The following VPS13A variants were observed in gnomAD, a reference collection of about 807,000 sequenced individuals.
VPS13A encodes intermembrane lipid transfer protein VPS13A.
A neutral mutation model predicts 390.9 loss-of-function variants in VPS13A; 264 were observed. That is an observed-to-expected ratio of 0.68 (90% confidence interval 0.61 to 0.75). The LOEUF (loss-of-function observed/expected upper bound fraction) is 0.75. VPS13A is among the 30% of genes least tolerant of loss of function. The pLI, the probability that VPS13A is intolerant of heterozygous loss-of-function variation, is 0.00. For missense variants in VPS13A, 3,409 were observed against 3,733.9 expected (o/e 0.91, Z 2.27); for synonymous variants, 1,231 against 1,227.1 (o/e 1.00, Z -0.07).
At position 77,420,423 on chromosome 9, in the gene VPS13A, AT is replaced by A. The variant is rs1835308647; in HGVS notation, c.*4423del. 1 of 151,972 alleles carries A rather than the reference AT, an allele frequency of 6.6e-6. No individual in the cohort carries two copies. The highest frequency in any genetic ancestry group is 1.5e-5 in the Non-Finnish European group (1 of 67,994). The allele number at this position is 151,972 out of a possible 1,614,324, so 9.4% of individuals were successfully genotyped here. A position where few individuals can be genotyped will look rare whatever the true frequency, so the allele number is the denominator to read the frequency against. On this transcript the variant is annotated 3_prime_UTR_variant, in exon 72 of 72. Transcript: ENST00000360280. ...TAAATTTTTCCATGTCATTTAAAAA[AT>A]TTTTTACTTTAGAATTACAGATTAG...
At chr9:77,271,369 A>G (rs138414155) in intron 23 of VPS13A, among the ~76,000 whole-genome samples, 9 of 152,340 alleles carry the variant, frequency 5.9e-5, no homozygotes, top group African/African-American at 1.2e-4. Flanking sequence ...ACTTGAAAAT[A>G]GCATAACCCT....
At chr9:77,415,833 A>G (rs960524260) in intron 71 of VPS13A, 123 bp from the exon 72 acceptor site, 11 of 1,086,148 alleles carry the variant, frequency 1.0e-5, no homozygotes, top group African/African-American at 1.6e-5. Context: ...AATTTTATGT[A>G]TTGGCTGTCA....
chr9:77,291,560 CT>C (rs981284495), intron 31 of VPS13A, among the ~76,000 whole-genome samples: 1 of 152,006 alleles, frequency 6.6e-6, no homozygotes, highest in African/African-American at 2.4e-5. Context: ...TTAGTTGTAC[CT>C]TGTGCTTAGG....
chr9:77,347,707 T>G (rs1046825843), intron 52 of VPS13A, among the ~76,000 whole-genome samples: 1 of 152,190 alleles, frequency 6.6e-6, no homozygotes, highest in African/African-American at 2.4e-5. Context: ...TCTCCCATTT[T>G]CCACTAGAAT....
intron 1 of VPS13A, among the ~76,000 whole-genome samples, chr9:77,189,251 A>C (rs1241073096): frequency 6.6e-6 from 1 of 150,430 alleles, no homozygotes; most frequent in Non-Finnish European, 1.5e-5. Flanking sequence ...TAGGTTTTAC[A>C]TTTAAGTCTT....
At chr9:77,368,681 TTA>T (rs1410737835) in intron 62 of VPS13A, among the ~76,000 whole-genome samples, 3 of 152,220 alleles carry the variant, frequency 2.0e-5, no homozygotes, top group Non-Finnish European at 4.4e-5. Flanking sequence ...ATCATCTGAC[TTA>T]TATGTTTCTC....
At chr9:77,216,816 T>C (rs1822891418) in intron 10 of VPS13A, among the ~76,000 whole-genome samples, 1 of 152,108 alleles carries the variant, frequency 6.6e-6, no homozygotes, top group Admixed American at 6.5e-5. Flanking sequence ...AGCTGAAGAA[T>C]TTGGAGTTTG....
Position 77,210,599 on chromosome 9 carries a change from CT to C in VPS13A, c.496-14del. 1 of 1,612,600 alleles carries C rather than the reference CT, an allele frequency of 6.2e-7. No homozygotes were observed. The highest frequency in any genetic ancestry group is 8.5e-7 in the Non-Finnish European group (1 of 1,179,260). ...CTACTAAAAATCTGAATAAATTTTACTTTCTTTCCTCTTTAGATCACAAATC... is the reference window on the plus strand; with the variant it reads ...CTACTAAAAATCTGAATAAATTTTACTTCTTTCCTCTTTAGATCACAAATC... On this transcript the variant is annotated splice_polypyrimidine_tract_variant and intron_variant, in intron 6 of 71. Coordinates refer to ENST00000360280, the MANE Select transcript of VPS13A (RefSeq NM_033305.3).
intron 1 of VPS13A, among the ~76,000 whole-genome samples, chr9:77,190,259 G>GTATATTC (rs1378016838): frequency 2.0e-5 from 3 of 152,066 alleles, no homozygotes; most frequent in Non-Finnish European, 4.4e-5. Flanking sequence ...TTATTTCCAG[G>GTATATTC]TATATTCCTT....
intron 22 of VPS13A, among the ~76,000 whole-genome samples, chr9:77,259,872 A>G (rs955218940): frequency 6.6e-6 from 1 of 152,214 alleles, no homozygotes; most frequent in African/African-American, 2.4e-5. Context: ...CAGTAGAAGG[A>G]CATTACATGA....
intron 68 of VPS13A, among the ~76,000 whole-genome samples, chr9:77,402,872 G>A (rs2131647002): frequency 6.6e-6 from 1 of 152,264 alleles, no homozygotes; most frequent in Middle Eastern, 3.4e-3. Context: ...GTTTAGATTT[G>A]TGTTAGTATT....
intron 3 of VPS13A, among the ~76,000 whole-genome samples, chr9:77,202,892 T>C (rs1173978284): frequency 1.3e-5 from 2 of 152,190 alleles, no homozygotes; most frequent in Non-Finnish European, 2.9e-5. Context: ...AAAATATCAC[T>C]GTTTTTTCCC....
intron 33 of VPS13A, among the ~76,000 whole-genome samples, chr9:77,300,342 T>G: frequency 6.6e-6 from 1 of 152,250 alleles, no homozygotes; most frequent in East Asian, 1.9e-4. Flanking sequence ...TTCTTTGGGA[T>G]AATTCATTTC....
intron 68 of VPS13A, among the ~76,000 whole-genome samples, chr9:77,399,194 A>AT (rs1834263437): frequency 3.9e-5 from 5 of 127,774 alleles, no homozygotes; most frequent in Non-Finnish European, 6.3e-5. Flanking sequence ...AAAAAAAAAA[A>AT]AAAAAAAAAA....
At chr9:77,341,057 AAGTT>A (rs1369449764) in intron 50 of VPS13A, among the ~76,000 whole-genome samples, 1 of 152,198 alleles carries the variant, frequency 6.6e-6, no homozygotes, top group East Asian at 1.9e-4. Context: ...TTTATTCTAA[AAGTT>A]AGGATTAGAG....
chr9:77,283,241 C>T (rs375866886), intron 29 of VPS13A, 114 bp from the exon 30 acceptor site: 1 of 654,824 alleles, frequency 1.5e-6, no homozygotes, highest in Middle Eastern at 4.3e-4. Flanking sequence ...AATTGCAGAT[C>T]AGGTTTTCTC....
At chr9:77,253,714 C>A (rs1825277062) in intron 22 of VPS13A, among the ~76,000 whole-genome samples, 1 of 152,018 alleles carries the variant, frequency 6.6e-6, no homozygotes, top group Non-Finnish European at 1.5e-5. Context: ...TTGATTGTGG[C>A]CTTTGATGTC....
chr9:77,320,443 A>G (rs1193839228), intron 42 of VPS13A, among the ~76,000 whole-genome samples: 1 of 152,068 alleles, frequency 6.6e-6, no homozygotes, highest in East Asian at 1.9e-4. Context: ...CTTTAGGTGG[A>G]TGAAATTTTG....
intron 23 of VPS13A, among the ~76,000 whole-genome samples, chr9:77,269,077 G>A (rs1215084965): frequency 6.6e-6 from 1 of 151,750 alleles, no homozygotes; most frequent in Admixed American, 6.6e-5. Flanking sequence ...GTTTAATTTT[G>A]ATACAATTGA....
Sources: allele counts gnomAD v4.1 joint callset (sites outside exome capture counted in the v4.1 genomes callset), GRCh38; gene constraint gnomAD v4.1.1; transcripts MANE v1.5; gene names NCBI Gene and HGNC (gene_info 2026-07-23, HGNC 2026-07-21).